Variants in CWF19L2 observed in about 807,000 individuals in gnomAD.
The protein encoded by CWF19L2 is CWF19-like protein 2.
In CWF19L2, 98 loss-of-function variants were observed where a neutral mutation model predicts 111.7. The ratio of observed to expected loss-of-function variants is 0.88; its 90% CI spans 0.75 to 1.04. CWF19L2 has a LOEUF of 1.04. Among genes scored for constraint, CWF19L2 ranks in the 50% least tolerant of loss-of-function variants. CWF19L2 has a pLI of 0.00. For missense variants in CWF19L2, 1,101 were observed against 1,051.4 expected (o/e 1.05, Z -0.65); for synonymous variants, 351 against 342.9 (o/e 1.02, Z -0.26).
At chr11:107,344,693 T>C (rs560379189) in intron 14 of CWF19L2, among the ~76,000 whole-genome samples, 3 of 152,328 alleles carry the variant, frequency 2.0e-5, no homozygotes, top group South Asian at 2.1e-4. Flanking sequence ...AATTAGAACA[T>C]CTCTGTTATC....
intron 8 of CWF19L2, among the ~76,000 whole-genome samples, chr11:107,427,380 C>T (rs1057154131): frequency 3.3e-5 from 5 of 152,114 alleles, no homozygotes; most frequent in African/African-American, 1.2e-4. Flanking sequence ...CATATATATA[C>T]ACACATATAT....
intron 10 of CWF19L2, among the ~76,000 whole-genome samples, chr11:107,411,671 A>C (rs999797442): frequency 1.1e-4 from 16 of 152,158 alleles, no homozygotes; most frequent in African/African-American, 3.9e-4. Flanking sequence ...TAAGCTAATA[A>C]ATTTAATAAA....
chr11:107,384,217 G>A (rs1860732656), intron 12 of CWF19L2, among the ~76,000 whole-genome samples: 1 of 152,184 alleles, frequency 6.6e-6, no homozygotes, highest in South Asian at 2.1e-4. Context: ...CTAAGTAAGA[G>A]ACATACAGGT....
intron 8 of CWF19L2, among the ~76,000 whole-genome samples, chr11:107,427,016 A>G (rs1861387737): frequency 6.6e-6 from 1 of 152,036 alleles, no homozygotes; most frequent in Admixed American, 6.6e-5. Flanking sequence ...AAGATTACAA[A>G]TGGCATGTTC....
At chr11:107,430,281 G>A (rs571192771) in intron 7 of CWF19L2, among the ~76,000 whole-genome samples, 1 of 150,956 alleles carries the variant, frequency 6.6e-6, no homozygotes, top group African/African-American at 2.4e-5. Context: ...TATATGGATA[G>A]GGGTAGATAA....
At chr11:107,453,539 C>T (rs997304759) in intron 3 of CWF19L2, among the ~76,000 whole-genome samples, 10 of 151,904 alleles carry the variant, frequency 6.6e-5, no homozygotes, top group African/African-American at 1.7e-4. Flanking sequence ...CACCAATAAT[C>T]GGGTACTACA....
At chr11:107,416,975 C>T (rs17106918) in intron 9 of CWF19L2, among the ~76,000 whole-genome samples, 6,140 of 152,266 alleles carry the variant, frequency 0.04, 156 homozygotes, top group East Asian at 0.11. Context: ...TGTTGGTTTA[C>T]TTCCCTTACC....
chr11:107,411,561 G>A (rs1299695842), intron 10 of CWF19L2, among the ~76,000 whole-genome samples: 1 of 152,030 alleles, frequency 6.6e-6, no homozygotes, highest in African/African-American at 2.4e-5. Context: ...AGCTAACCAT[G>A]AAAATGGTAA....
chr11:107,335,045 T>A (rs1591147485), intron 15 of CWF19L2, 84 bp from the exon 16 acceptor site: 1 of 805,266 alleles, frequency 1.2e-6, no homozygotes, highest in Non-Finnish European at 2.1e-6. Flanking sequence ...TATAGCAAAT[T>A]AATTATGGGG....
intron 10 of CWF19L2, among the ~76,000 whole-genome samples, chr11:107,412,828 C>G (rs1426129489): frequency 6.6e-6 from 1 of 152,154 alleles, no homozygotes; most frequent in Non-Finnish European, 1.5e-5. Context: ...AGCTATCAAA[C>G]CATGGAAAGA....
At chr11:107,372,990 T>C (rs7122850) in intron 12 of CWF19L2, among the ~76,000 whole-genome samples, 36,020 of 61,718 alleles carry the variant, frequency 0.58, 13,859 homozygotes, top group African/African-American at 0.74. Flanking sequence ...GTTCCCTTTC[T>C]GAGTCAAAGA....
chr11:107,334,257 C>T (rs1859889784), intron 16 of CWF19L2, among the ~76,000 whole-genome samples: 1 of 152,154 alleles, frequency 6.6e-6, no homozygotes, highest in Non-Finnish European at 1.5e-5. Context: ...AATCTCTATT[C>T]CATTCCATTT....
At chr11:107,424,910 CTATTT>C (rs993760691) in intron 8 of CWF19L2, among the ~76,000 whole-genome samples, 65 of 151,696 alleles carry the variant, frequency 4.3e-4, no homozygotes, top group African/African-American at 1.5e-3. Context: ...AAATATTATT[CTATTT>C]TATTTTGTGA....
chr11:107,381,996 A>G (rs1860693987), intron 12 of CWF19L2, among the ~76,000 whole-genome samples: 2 of 151,808 alleles, frequency 1.3e-5, no homozygotes, highest in Admixed American at 1.3e-4. Context: ...CCTCCGGCCC[A>G]TGTTTAATGG....
chr11:107,370,709 G>A (rs1322153918), intron 12 of CWF19L2, among the ~76,000 whole-genome samples: 4 of 137,276 alleles, frequency 2.9e-5, no homozygotes, highest in Admixed American at 7.1e-5. Flanking sequence ...CAAAATTTAG[G>A]ACAGTTTTTA....
chr11:107,429,009 G>A lies in CWF19L2; in HGVS notation c.1223C>T (p.Pro408Leu). The part of the protein sequence containing the change: ...QGSLCSGFRK[P>L]TKNSEERLTS... ...TAATCTTTCTTCACTGTTCTTGGTG[G>A]GTTTTCTAAAACCACTACACAAAGA... The change falls in exon 8 of 18, where the codon CCC becomes CTC. Residue 408 changes from proline (P) to leucine (L), a missense_variant. By Grantham distance (98) the Pro-to-Leu change is moderately conservative (BLOSUM62 -3). Transcript: ENST00000282251. 2 of 1,613,414 alleles carry A rather than the reference G, an allele frequency of 1.2e-6. No individual in the cohort carries two copies. Among genetic ancestry groups the A allele is most frequent in the Non-Finnish European group, 1.7e-6 (2 of 1,179,706 alleles).
In CWF19L2 at chr11:107,374,260, A is replaced by G. The variant is rs1434751022; in HGVS notation, c.1872+15814T>C. Among the ~76,000 whole-genome samples, 4 of 127,846 alleles carry G rather than the reference A, an allele frequency of 3.1e-5. 1 individual carries two copies. Among genetic ancestry groups the G allele is most frequent in the Non-Finnish European group, 6.5e-5 (4 of 61,840 alleles). 83.9% of individuals were successfully genotyped at this position (127,846 alleles called of 152,430 possible). On this transcript the variant is annotated intron_variant, in intron 12 of 17. Transcript: ENST00000282251. The stretch of plus-strand genomic sequence containing the variant: ...GCAGGCCAACGTTCAGATTCAGGAA[A>G]TACAGAGAACGCCACAAACATACTC...
chr11:107,393,186 A>T (rs1860873887), intron 10 of CWF19L2, among the ~76,000 whole-genome samples: 1 of 152,212 alleles, frequency 6.6e-6, no homozygotes, highest in Non-Finnish European at 1.5e-5. Context: ...CGAAGTATCA[A>T]TAGTCCATGT....
intron 3 of CWF19L2, among the ~76,000 whole-genome samples, chr11:107,444,789 A>C (rs1246935676): frequency 6.6e-6 from 1 of 152,184 alleles, no homozygotes; most frequent in Non-Finnish European, 1.5e-5. Flanking sequence ...ACTTAAACCA[A>C]GTCAGAAACT....
Sources: gnomAD v4.1 joint callset for allele counts (sites outside exome capture counted in the v4.1 genomes callset) on GRCh38, gnomAD v4.1.1 for gene constraint, MANE v1.5 for transcripts, NCBI Gene and HGNC (gene_info 2026-07-23, HGNC 2026-07-21) for gene names.